KCNQ4: variants seen among roughly 807,000 people sequenced by gnomAD.
KCNQ4 encodes potassium voltage-gated channel subfamily KQT member 4.
Under a neutral mutation model 72.6 loss-of-function variants are expected in KCNQ4, and 31 were observed. The ratio of observed to expected loss-of-function variants is 0.43; its 90% CI spans 0.32 to 0.58. KCNQ4 has a LOEUF of 0.58. Ranked by LOEUF, KCNQ4 falls within the 20% of genes least tolerant of loss-of-function variation. The pLI, the probability that KCNQ4 is intolerant of heterozygous loss-of-function variation, is 0.08. For synonymous variants in KCNQ4, 405 were observed against 403.7 expected (o/e 1.00, Z -0.04); for missense variants, 869 against 962.6 (o/e 0.90, Z 1.29).
Position 40,820,203 on chromosome 1 carries a change from G to A in KCNQ4, c.984G>A (p.Glu328=), listed in dbSNP as rs1236007519. 1 of 1,610,890 alleles carries A rather than the reference G, an allele frequency of 6.2e-7. No individual in the cohort carries two copies. Among genetic ancestry groups the A allele is most frequent in the Non-Finnish European group, 8.5e-7 (1 of 1,178,640 alleles). The change falls in exon 7 of 14, where the codon GAG becomes GAA. Residue 328 remains glutamate (E), a synonymous_variant. Transcript: ENST00000347132. The part of the protein sequence containing the change: ...LGSGFALKVQ[E]QHRQKHFEKR... ...CCGGCTTTGCCCTGAAGGTCCAGGA[G>A]CAGCACCGGCAGAAGCACTTCGAGA...
chr1:40,833,618 C>A (rs866686325), intron 11 of KCNQ4, among the ~76,000 whole-genome samples: 3 of 152,126 alleles, frequency 2.0e-5, no homozygotes, highest in Middle Eastern at 3.4e-3. Flanking sequence ...CAGAAACCCC[C>A]TCAACCTCCA....
intron 1 of KCNQ4, among the ~76,000 whole-genome samples, chr1:40,786,726 C>T (rs1054624301): frequency 8.6e-5 from 13 of 151,992 alleles, no homozygotes; most frequent in African/African-American, 1.9e-4. Flanking sequence ...CCCAACCTTG[C>T]GGCCTCTCTC....
chr1:40,828,645 C>T (rs1443175132), intron 9 of KCNQ4, among the ~76,000 whole-genome samples: 2 of 152,162 alleles, frequency 1.3e-5, no homozygotes, highest in African/African-American at 2.4e-5. Flanking sequence ...ATGGTAAAGA[C>T]CGCCCACCAC....
rs528651819 is a variant in KCNQ4, at chr1:40,839,097, A to G, written c.*574A>G. ...CATGGGGTCTCTCTGTCCCTCCCCC[A>G]TTGGGAGCTGGGCCCCCAGCAGTAG... On this transcript the variant is annotated 3_prime_UTR_variant, in exon 14 of 14. Transcript: ENST00000347132. 1 of 161,874 alleles carries G rather than the reference A, an allele frequency of 6.2e-6. No homozygotes were observed. Among genetic ancestry groups the G allele is most frequent in the Non-Finnish European group, 1.4e-5 (1 of 73,338 alleles). The allele number at this position is 161,874 out of a possible 1,614,324, so 10.0% of individuals were successfully genotyped here. A position where few individuals can be genotyped will look rare whatever the true frequency, so the allele number is the denominator to read the frequency against.
chr1:40,827,962 G>A (rs1178974384), intron 9 of KCNQ4, among the ~76,000 whole-genome samples: 11 of 152,344 alleles, frequency 7.2e-5, no homozygotes, highest in South Asian at 2.1e-4. Flanking sequence ...GAGCTGAAGC[G>A]TTGAGCTAAG....
chr1:40,785,844 G>A (rs1171851773), intron 1 of KCNQ4, among the ~76,000 whole-genome samples: 1 of 152,118 alleles, frequency 6.6e-6, no homozygotes, highest in Non-Finnish European at 1.5e-5. Flanking sequence ...GAGGGGCAGG[G>A]GGGGAAGACA....
In KCNQ4 at chr1:40,837,597, A is replaced by G. The variant is rs973553139; in HGVS notation, c.1746-68A>G. On this transcript the variant is annotated intron_variant, in intron 12 of 13. Transcript: ENST00000347132. ...GTGGTGCCTTCTCCTTCATCAGGCA[A>G]CCTATAATTCTTGTGGAAGGGAGGG... The G allele has an allele frequency of 7.0e-6, 11 of 1,565,076 alleles. No homozygotes were observed. In the South Asian group the frequency reaches 1.3e-4, roughly 19 times the overall value.
In KCNQ4 at chr1:40,796,977, C is replaced by G. The variant is rs529922045; in HGVS notation, c.314+12570C>G. On this transcript the variant is annotated intron_variant, in intron 1 of 13. Coordinates refer to ENST00000347132, the MANE Select transcript of KCNQ4 (RefSeq NM_004700.4). Reference sequence around the variant, plus strand: ...ACAGTTCAAGGTCCTGCTCCCACCCCGATTCTACCCTGGGGACTCATTCCT... The same window carrying G: ...ACAGTTCAAGGTCCTGCTCCCACCCGGATTCTACCCTGGGGACTCATTCCT... 1.9e-4 allele frequency among the ~76,000 whole-genome samples: 29 copies of G among 152,260 alleles called. 1 individual carries two copies. The highest frequency in any genetic ancestry group is 7.0e-4 in the African/African-American group (29 of 41,550).
intron 1 of KCNQ4, among the ~76,000 whole-genome samples, chr1:40,810,930 C>A (rs1176866489): frequency 6.6e-6 from 1 of 152,192 alleles, no homozygotes; most frequent in African/African-American, 2.4e-5. Flanking sequence ...CAAGTCATAC[C>A]TTTCTTTTCT....
chr1:40,796,010 G>A (rs1277598301), intron 1 of KCNQ4, among the ~76,000 whole-genome samples: 1 of 152,196 alleles, frequency 6.6e-6, no homozygotes, highest in Admixed American at 6.5e-5. Context: ...GCTTAAAGGT[G>A]AAACACTGCC....
At chr1:40,827,478 G>A (rs558296450) in intron 9 of KCNQ4, among the ~76,000 whole-genome samples, 31 of 152,202 alleles carry the variant, frequency 2.0e-4, no homozygotes, top group Non-Finnish European at 4.0e-4. Flanking sequence ...GCCCCCCTGA[G>A]ACTGGACATC....
chr1:40,793,010 T>TC (rs1368787372), intron 1 of KCNQ4, among the ~76,000 whole-genome samples: 6 of 144,532 alleles, frequency 4.2e-5, no homozygotes, highest in Non-Finnish European at 9.1e-5. Context: ...CTTTCTTTTT[T>TC]TTTTTTTTTT....
intron 9 of KCNQ4, among the ~76,000 whole-genome samples, chr1:40,827,632 C>T (rs1443403797): frequency 2.0e-5 from 3 of 152,136 alleles, no homozygotes; most frequent in African/African-American, 4.8e-5. Flanking sequence ...GCTGGGGTCC[C>T]GGAGCTAGGA....
In KCNQ4 at chr1:40,784,085, G is replaced by T; in HGVS notation, c.-9G>T. On this transcript the variant is annotated 5_prime_UTR_variant, in exon 1 of 14. Coordinates refer to ENST00000347132, the MANE Select transcript of KCNQ4 (RefSeq NM_004700.4). The surrounding 1 kb of genome is among the most constrained non-coding windows in gnomAD (Gnocchi z 4.1). ...CCCGGGCCCCGGCGCCCCCAGCCCG[G>T]CGCCGCCCATGGCCGAGGCCCCCCC... 1 of 377,300 alleles carries T rather than the reference G, an allele frequency of 2.7e-6. No individual in the cohort carries two copies. The highest frequency in any genetic ancestry group is 3.6e-6 in the Non-Finnish European group (1 of 275,572). The allele number at this position is 377,300 out of a possible 1,614,324, so 23.4% of individuals were successfully genotyped here.
intron 1 of KCNQ4, among the ~76,000 whole-genome samples, chr1:40,793,499 G>A (rs529025748): frequency 3.9e-5 from 6 of 152,014 alleles, no homozygotes; most frequent in Non-Finnish European, 7.4e-5. Flanking sequence ...GACAGCCTCC[G>A]CTCTGCAGTT....
intron 9 of KCNQ4, among the ~76,000 whole-genome samples, chr1:40,829,271 G>A (rs1397079153): frequency 6.6e-6 from 1 of 152,206 alleles, no homozygotes; most frequent in African/African-American, 2.4e-5. Flanking sequence ...CCAGCATGAG[G>A]GAGCCTGCAG....
At chr1:40,814,046 CT>C (rs35243800) in intron 1 of KCNQ4, among the ~76,000 whole-genome samples, 922 of 52,626 alleles carry the variant, frequency 0.018, 2 homozygotes, top group African/African-American at 0.036. Flanking sequence ...TGCGCCCGGC[CT>C]TTTTTTTTTT....
chr1:40,830,557 T>C (rs901731926), intron 9 of KCNQ4, among the ~76,000 whole-genome samples: 1 of 152,100 alleles, frequency 6.6e-6, no homozygotes, highest in Non-Finnish European at 1.5e-5. Flanking sequence ...CACATGTGTG[T>C]GCACAAGGTG....
Position 40,818,280 on chromosome 1 carries a change from C to T in KCNQ4, c.522C>T (p.Phe174=). 6.2e-7 allele frequency: 1 copy of T among 1,613,906 alleles called. No homozygotes were observed. The change falls in exon 3 of 14, where the codon TTC becomes TTT. Residue 174 remains phenylalanine, a synonymous_variant. Coordinates refer to ENST00000347132, the MANE Select transcript of KCNQ4 (RefSeq NM_004700.4). ...QGRFRFARKP[F]CVIDFIVFVA... ...GCTTCCGCTTTGCCAGAAAGCCCTTCTGTGTCATCGGTAATGAGGCGCGCC... is the reference window on the plus strand; with the variant it reads ...GCTTCCGCTTTGCCAGAAAGCCCTTTTGTGTCATCGGTAATGAGGCGCGCC...
Sources: allele counts gnomAD v4.1 joint callset (sites outside exome capture counted in the v4.1 genomes callset), GRCh38; gene constraint gnomAD v4.1.1; non-coding constraint Gnocchi (gnomAD v3.1); transcripts MANE v1.5; gene names NCBI Gene and HGNC (gene_info 2026-07-23, HGNC 2026-07-21).